The following TADA3 variants were observed in gnomAD, a reference collection of about 807,000 sequenced individuals.
TADA3 encodes the protein transcriptional adapter 3.
TADA3 carries 25 observed loss-of-function variants against 43.2 expected under a neutral mutation model. That is an observed-to-expected ratio of 0.58 (90% CI 0.42 to 0.81). TADA3 has a LOEUF of 0.81. Ranked by LOEUF, TADA3 falls within the 30% of genes least tolerant of loss-of-function variation. The pLI is 0.00. For missense variants in TADA3, 441 were observed against 567.8 expected, an observed-to-expected ratio of 0.78 and a Z score of 2.27; for synonymous variants, 235 against 225.5, an observed-to-expected ratio of 1.04 and a Z score of -0.38.
At position 9,789,614 on chromosome 3, in the gene TADA3, C is replaced by G; in HGVS notation, c.459G>C (p.Arg153Ser). ...AGTAGGGCTCCACTGAAGCCCAGAA[C>G]CTGCAGGGAGAAGCAGATCCTGAGT... ...PRIPKNDAPN[R>S]FWASVEPYCA... Residue 153 changes from arginine (R) to serine (S), a missense_variant and splice_region_variant, in exon 4 of 9, where the codon AGG becomes AGC. Transcript: ENST00000301964. The G allele has an allele frequency of 1.2e-6, 2 of 1,613,920 alleles. No individual in the cohort carries two copies. Among genetic ancestry groups the G allele is most frequent in the Non-Finnish European group, 1.7e-6 (2 of 1,179,870 alleles).
rs534088819 is a variant in TADA3 at position 9,792,379 on chromosome 3, GC to G, written c.-192del. On this transcript the variant is annotated 5_prime_UTR_variant, in exon 1 of 9. Transcript: ENST00000301964. ...CTAGGGACACCCTAGTGCGACCCCC[GC>G]CCCCTCTACCTCCTCGCTGCGGCCT... is the stretch of plus-strand genomic sequence containing the variant. The G allele has an allele frequency of 6.6e-6, 4 of 608,564 alleles. No individual in the cohort carries two copies. The highest frequency in any genetic ancestry group is 5.9e-5 in the African/African-American group (3 of 51,016). 37.7% of individuals were successfully genotyped at this position (608,564 alleles called of 1,614,324 possible). A position where few individuals can be genotyped will look rare whatever the true frequency, so the allele number is the denominator to read the frequency against.
In TADA3 at chr3:9,791,287, G is replaced by T; in HGVS notation, c.180C>A (p.Arg60=). 6.2e-7 allele frequency: 1 copy of T among 1,613,306 alleles called. No individual in the cohort carries two copies. The highest frequency in any genetic ancestry group is 8.5e-7 in the Non-Finnish European group (1 of 1,179,998). ...GGGTTTCGGCCTCAAGCACACGCAG[G>T]CGCCGGCTGGCAGAAGACAGCAGGG... ...LETLLSSASR[R]LRVLEAETQI... Residue 60 remains arginine (R), a synonymous_variant, in exon 2 of 9, where the codon CGC becomes CGA. Transcript: ENST00000301964.
upstream of TADA3, chr3:9,792,701 T>C (rs1357331642): frequency 8.1e-7 from 1 of 1,233,326 alleles, no homozygotes; most frequent in Non-Finnish European, 1.0e-6. Flanking sequence ...CGCCAGGAGC[T>C]GCGGGTAGGA....
At chr3:9,791,594 C>A (rs1254835298) in intron 1 of TADA3, 101 bp from the exon 2 acceptor site, 5 of 672,074 alleles carry the variant, frequency 7.4e-6, no homozygotes, top group Non-Finnish European at 1.2e-5. Flanking sequence ...AGCTTCAGTC[C>A]CTTACTGACA....
At position 9,780,546 on chromosome 3, in the gene TADA3, C is replaced by A. The variant is rs1469347856; in HGVS notation, c.1110G>T (p.Leu370=). The change falls in exon 9 of 9, where the codon CTG becomes CTT. Residue 370 remains leucine (L), a synonymous_variant. Transcript: ENST00000301964. ...CCTGCCGGCTCACCTCCTCCTTTGC[C>A]AGCCTGTGGGGACCAGCCAGCCAGG... The part of the protein sequence containing the change: ...NRTKKHDLLR[L]AKEEVSRQEL... 6.2e-7 allele frequency: 1 copy of A among 1,601,448 alleles called. No homozygotes were observed. The highest frequency in any genetic ancestry group is 1.1e-5 in the South Asian group (1 of 90,806).
At chr3:9,780,735 T>C (rs1052344848) in intron 8 of TADA3, among the ~76,000 whole-genome samples, 186 bp from the exon 9 acceptor site, 1 of 152,224 alleles carries the variant, frequency 6.6e-6, no homozygotes, top group African/African-American at 2.4e-5. Flanking sequence ...CTGAAAAATA[T>C]TAACTCATGT....
intron 7 of TADA3, among the ~76,000 whole-genome samples, chr3:9,784,980 C>T (rs746570100): frequency 6.6e-6 from 1 of 152,174 alleles, no homozygotes; most frequent in Admixed American, 6.5e-5. Flanking sequence ...TAATTTACAT[C>T]TTTTCATGTC....
chr3:9,785,490 C>T, intron 6 of TADA3, 65 bp from the exon 7 acceptor site: 1 of 1,094,318 alleles, frequency 9.1e-7, no homozygotes. Context: ...CCTTTCTGAC[C>T]TACACTGACA....
Position 9,780,558 on chromosome 3 carries a change from ACCAG to A in TADA3, c.1107-13_1107-10del. On this transcript the variant is annotated splice_polypyrimidine_tract_variant and intron_variant, in intron 8 of 8. Transcript: ENST00000301964. ...CCTCCTCCTTTGCCAGCCTGTGGGG[ACCAG>A]CCAGCCAGGTGCCAGGGTCAGCCCA... 5.0e-6 allele frequency: 8 copies of A among 1,597,394 alleles called. No individual in the cohort carries two copies. The highest frequency in any genetic ancestry group is 1.9e-4 in the Middle Eastern group (1 of 5,382).
chr3:9,785,203 C>T (rs538657817), intron 7 of TADA3, 113 bp downstream of exon 7: 1 of 736,216 alleles, frequency 1.4e-6, no homozygotes, highest in South Asian at 1.8e-5. Flanking sequence ...TGCTATTAGG[C>T]TTCACCTAAC....
Position 9,789,759 on chromosome 3 carries a change from C to A in TADA3, c.412G>T (p.Asp138Tyr). The change falls in exon 3 of 9, where the codon GAC becomes TAC. Residue 138 changes from aspartate to tyrosine, a missense_variant. By Grantham distance (160) the Asp-to-Tyr change is radical. Coordinates refer to ENST00000301964, the MANE Select transcript of TADA3 (RefSeq NM_006354.5). Reference protein sequence around the residue: ...PKIQEYEFTDDPIDVPRIPKN... With the variant: ...PKIQEYEFTDYPIDVPRIPKN... The stretch of plus-strand genomic sequence containing the variant: ...GGGATCCGTGGCACGTCGATAGGGT[C>A]ATCAGTGAATTCATATTCCTGGATC... 1 of 1,614,192 alleles carries A rather than the reference C, an allele frequency of 6.2e-7. No homozygotes were observed. Among genetic ancestry groups the A allele is most frequent in the Non-Finnish European group, 8.5e-7 (1 of 1,180,038 alleles).
At chr3:9,786,597 C>G (rs890361826) in intron 6 of TADA3, among the ~76,000 whole-genome samples, 1 of 152,176 alleles carries the variant, frequency 6.6e-6, no homozygotes, top group South Asian at 2.1e-4. Flanking sequence ...TGTAACACAG[C>G]GTTAACCACT....
intron 6 of TADA3, among the ~76,000 whole-genome samples, chr3:9,786,319 G>A (rs189575313): frequency 6.6e-6 from 1 of 152,220 alleles, no homozygotes; most frequent in Admixed American, 6.6e-5. Context: ...ACCGTCAGCT[G>A]GGGTCCCTGT....
chr3:9,790,590 G>C (rs544571305), intron 2 of TADA3, among the ~76,000 whole-genome samples: 2 of 152,210 alleles, frequency 1.3e-5, no homozygotes, highest in African/African-American at 4.8e-5. Flanking sequence ...ATACAGCATA[G>C]CGCCTGGCAC....
intron 8 of TADA3, among the ~76,000 whole-genome samples, chr3:9,780,841 A>T (rs1468613972): frequency 1.3e-5 from 2 of 152,186 alleles, no homozygotes; most frequent in Admixed American, 6.5e-5. Flanking sequence ...AAACTGCTCT[A>T]GAAGAATAAA....
At chr3:9,785,579 T>C (rs1213145926) in intron 6 of TADA3, among the ~76,000 whole-genome samples, 154 bp from the exon 7 acceptor site, 1 of 152,194 alleles carries the variant, frequency 6.6e-6, no homozygotes, top group Non-Finnish European at 1.5e-5. Flanking sequence ...AATCCCAAAT[T>C]GCTTTGATCA....
intron 7 of TADA3, among the ~76,000 whole-genome samples, chr3:9,784,574 T>C (rs893655402): frequency 7.2e-5 from 11 of 151,918 alleles, no homozygotes; most frequent in Admixed American, 7.2e-4. Flanking sequence ...TTTAAATATA[T>C]TGTAAGTAAG....
At chr3:9,784,864 CAAAAAAAAAAAAAG>C (rs1293604585) in intron 7 of TADA3, among the ~76,000 whole-genome samples, 3 of 97,398 alleles carry the variant, frequency 3.1e-5, no homozygotes, top group Non-Finnish European at 6.4e-5. Context: ...GACTCCATCT[CAAAAAAAAAAAAAG>C]AAAAAGAAAA....
In TADA3 at chr3:9,789,661, G is replaced by A. The variant is rs759280511; in HGVS notation, c.459-47C>T. The A allele has an allele frequency of 1.9e-6, 3 of 1,610,570 alleles. No homozygotes were observed. In the Admixed American group the frequency reaches 5.0e-5, roughly 27 times the overall value. ...GAGTGGGCGCCCCTGCCCCACCAGT[G>A]CCTCCACCACCAGAACCTTGAGGCC... On this transcript the variant is annotated intron_variant, in intron 3 of 8. Coordinates refer to ENST00000301964, the MANE Select transcript of TADA3 (RefSeq NM_006354.5).
Sources: gnomAD v4.1 joint callset for allele counts (sites outside exome capture counted in the v4.1 genomes callset) on GRCh38, gnomAD v4.1.1 for gene constraint, MANE v1.5 for transcripts, NCBI Gene and HGNC (gene_info 2026-07-23, HGNC 2026-07-21) for gene names.